The following ATP6V0E1 variants were observed in gnomAD, a reference collection of about 807,000 sequenced individuals.
ATP6V0E1 encodes the protein V-type proton ATPase subunit e 1.
Under a neutral mutation model 11.6 loss-of-function variants are expected in ATP6V0E1, and 4 were observed. That is an observed-to-expected ratio of 0.35 (90% CI 0.17 to 0.79). ATP6V0E1 has a LOEUF of 0.79. Among genes scored for constraint, ATP6V0E1 ranks in the 30% least tolerant of loss-of-function variants. ATP6V0E1 has a pLI of 0.54. For missense variants in ATP6V0E1, 105 were observed against 100.0 expected (o/e 1.05, Z -0.21); for synonymous variants, 36 against 34.8 (o/e 1.04, Z -0.13).
At chr5:173,031,373 C>T (rs1389802771) in intron 3 of ATP6V0E1, among the ~76,000 whole-genome samples, 1 of 151,522 alleles carries the variant, frequency 6.6e-6, no homozygotes, top group Non-Finnish European at 1.5e-5. Flanking sequence ...CATGAGCCAC[C>T]GCATCCGACC....
chr5:173,010,513 G>A (rs1251068719), intron 2 of ATP6V0E1, among the ~76,000 whole-genome samples: 7 of 152,192 alleles, frequency 4.6e-5, no homozygotes, highest in African/African-American at 9.7e-5. Context: ...TCAGTTCACC[G>A]ATATTTAGTG....
intron 3 of ATP6V0E1, among the ~76,000 whole-genome samples, chr5:173,021,571 T>A (rs948253132): frequency 6.6e-6 from 1 of 152,012 alleles, no homozygotes; most frequent in African/African-American, 2.4e-5. Flanking sequence ...GAAGCTACAA[T>A]TCAAGATGAG....
At chr5:173,029,318 G>A (rs574243990) in intron 3 of ATP6V0E1, among the ~76,000 whole-genome samples, 186 of 152,258 alleles carry the variant, frequency 1.2e-3, no homozygotes, top group South Asian at 7.7e-3. Flanking sequence ...GCCATTTCAG[G>A]TTCAGCCATG....
At chr5:173,018,483 C>T (rs1368538350) in intron 2 of ATP6V0E1, among the ~76,000 whole-genome samples, 2 of 152,056 alleles carry the variant, frequency 1.3e-5, no homozygotes, top group Non-Finnish European at 2.9e-5. Context: ...GCATCCAAGT[C>T]GACCTGCATG....
intron 1 of ATP6V0E1, among the ~76,000 whole-genome samples, chr5:172,989,604 A>G (rs1372971333): frequency 2.7e-5 from 4 of 147,958 alleles, no homozygotes; most frequent in Non-Finnish European, 5.9e-5. Context: ...TTGGCTCACT[A>G]CAGCCTCTGC....
At chr5:173,015,123 A>C (rs1483271768) in intron 2 of ATP6V0E1, among the ~76,000 whole-genome samples, 1 of 152,170 alleles carries the variant, frequency 6.6e-6, no homozygotes, top group Non-Finnish European at 1.5e-5. Context: ...TTCTCAGTTA[A>C]AATATTCCAG....
intron 1 of ATP6V0E1, among the ~76,000 whole-genome samples, chr5:172,985,452 T>C (rs1442975841): frequency 1.3e-5 from 2 of 152,200 alleles, no homozygotes; most frequent in Non-Finnish European, 2.9e-5. Flanking sequence ...TCATCTCTCC[T>C]ACCTATAGAG....
At chr5:173,028,166 AT>A in intron 3 of ATP6V0E1, among the ~76,000 whole-genome samples, 1 of 152,318 alleles carries the variant, frequency 6.6e-6, no homozygotes, top group East Asian at 1.9e-4. Context: ...AAGCCGGGCG[AT>A]CCCTAATTAT....
chr5:173,026,520 C>T (rs183737598), intron 3 of ATP6V0E1, among the ~76,000 whole-genome samples: 61 of 152,240 alleles, frequency 4.0e-4, no homozygotes, highest in African/African-American at 1.4e-3. Context: ...TACATATATT[C>T]ATTCATATGT....
chr5:172,990,989 G>A (rs73329252), intron 1 of ATP6V0E1, among the ~76,000 whole-genome samples: 3,231 of 151,944 alleles, frequency 0.021, 109 homozygotes, highest in African/African-American at 0.072. Flanking sequence ...GTCTCCCTGC[G>A]TTGCCAAGGC....
chr5:173,027,301 C>G (rs1756577846), intron 3 of ATP6V0E1, among the ~76,000 whole-genome samples: 1 of 137,188 alleles, frequency 7.3e-6, no homozygotes, highest in Non-Finnish European at 1.5e-5. Flanking sequence ...TCCTGGCTAA[C>G]ACGGTGAAAC....
intron 2 of ATP6V0E1, among the ~76,000 whole-genome samples, chr5:172,998,327 C>A (rs2113587116): frequency 6.6e-6 from 1 of 150,676 alleles, no homozygotes; most frequent in South Asian, 2.1e-4. Context: ...GTATATGAAG[C>A]CTGGTGTGGT....
At chr5:173,032,854 T>G (rs1267917815) in intron 3 of ATP6V0E1, among the ~76,000 whole-genome samples, 1 of 152,196 alleles carries the variant, frequency 6.6e-6, no homozygotes, top group Non-Finnish European at 1.5e-5. Flanking sequence ...CCCAGAACTT[T>G]GGGAAGCCAA....
In ATP6V0E1 at chr5:173,034,421, T is replaced by C. The variant is rs1479379358; in HGVS notation, c.*59T>C. ...CAGGTCACGAGAAGAGAATGCCTTC[T>C]AGATGCAAAATCACCTCCAAACCAG... On this transcript the variant is annotated 3_prime_UTR_variant, in exon 4 of 4. Coordinates refer to ENST00000519374, the MANE Select transcript of ATP6V0E1 (RefSeq NM_003945.4). 3 of 702,930 alleles carry C rather than the reference T, an allele frequency of 4.3e-6. No individual in the cohort carries two copies. In the African/African-American group the frequency reaches 5.2e-5, roughly 12 times the overall value. The allele number at this position is 702,930 out of a possible 1,614,324, so 43.5% of individuals were successfully genotyped here.
chr5:172,998,067 G>A (rs146053230), intron 2 of ATP6V0E1, among the ~76,000 whole-genome samples: 15 of 151,944 alleles, frequency 9.9e-5, no homozygotes, highest in Non-Finnish European at 1.9e-4. Context: ...CTGTCATTGC[G>A]GCAGTGCATT....
At chr5:173,001,212 G>A (rs1045138174) in intron 2 of ATP6V0E1, among the ~76,000 whole-genome samples, 1 of 152,060 alleles carries the variant, frequency 6.6e-6, no homozygotes, top group East Asian at 1.9e-4. Flanking sequence ...GTGTAGCAGT[G>A]AATAAACAAA....
intron 1 of ATP6V0E1, among the ~76,000 whole-genome samples, chr5:172,993,551 A>T (rs1444435894): frequency 1.3e-5 from 2 of 151,698 alleles, no homozygotes; most frequent in Non-Finnish European, 2.9e-5. Context: ...TGAGTTAAAA[A>T]TAAAGAAAAA....
intron 3 of ATP6V0E1, among the ~76,000 whole-genome samples, chr5:173,030,232 C>CT (rs1451848801): frequency 6.6e-6 from 1 of 152,100 alleles, no homozygotes; most frequent in Non-Finnish European, 1.5e-5. Context: ...TAAATACATG[C>CT]TTAACTCCTT....
At position 173,016,242 on chromosome 5, in the gene ATP6V0E1, T is replaced by C. The variant is rs116073056; in HGVS notation, c.153-3996T>C. 5.1e-3 allele frequency among the ~76,000 whole-genome samples: 782 copies of C among 152,304 alleles called. 2 individuals are homozygous for C. The highest frequency in any genetic ancestry group is 0.018 in the South Asian group (85 of 4,826). ...ACCCTGTGAGATCTGATGCTGATGC[T>C]ACCTCCAGGCAGATAATGTCAGGAT... is the stretch of plus-strand genomic sequence containing the variant. On this transcript the variant is annotated intron_variant, in intron 2 of 3. Transcript: ENST00000519374.
Sources: gnomAD v4.1 joint callset for allele counts (sites outside exome capture counted in the v4.1 genomes callset) on GRCh38, gnomAD v4.1.1 for gene constraint, MANE v1.5 for transcripts, NCBI Gene and HGNC (gene_info 2026-07-23, HGNC 2026-07-21) for gene names.